Variants in PCDHGA9 observed in about 807,000 individuals in gnomAD.
The protein encoded by PCDHGA9 is protocadherin gamma subfamily A, 9, also known as protocadherin gamma-A9.
PCDHGA9 carries 37 observed loss-of-function variants against 62.5 expected under a neutral mutation model. That is an observed-to-expected ratio of 0.59 (90% CI 0.46 to 0.78). PCDHGA9 has a LOEUF of 0.78. Ranked by LOEUF, PCDHGA9 falls within the 30% of genes least tolerant of loss-of-function variation. The pLI is 0.00. For missense variants in PCDHGA9, 1,138 were observed against 1,166.2 expected (o/e 0.98, Z 0.35); for synonymous variants, 459 against 484.6 (o/e 0.95, Z 0.69).
At chr5:141,408,274 G>T (rs773254664) in intron 1 of PCDHGA9, 2 of 1,611,590 alleles carry the variant, frequency 1.2e-6, no homozygotes, top group Non-Finnish European at 1.7e-6. Flanking sequence ...TGCTGCCTTT[G>T]TTCTACCCCA....
At position 141,403,318 on chromosome 5, in the gene PCDHGA9, A is replaced by G; in HGVS notation, c.366A>G (p.Glu122=). The G allele has an allele frequency of 6.2e-7, 1 of 1,613,982 alleles. No homozygotes were observed. The highest frequency in any genetic ancestry group is 8.5e-7 in the Non-Finnish European group (1 of 1,179,912). ...DRVKLYGIEI[E]VTDINDSAPK... ...TGAAACTGTACGGAATAGAAATAGA[A>G]GTAACTGATATTAACGACAGCGCCC... The change falls in exon 1 of 4, where the codon GAA becomes GAG. Residue 122 remains glutamate, a synonymous_variant. Transcript: ENST00000573521.
At chr5:141,499,423 GA>G (rs1229901490) in intron 2 of PCDHGA9, among the ~76,000 whole-genome samples, 3 of 151,756 alleles carry the variant, frequency 2.0e-5, no homozygotes, top group Non-Finnish European at 2.9e-5. Flanking sequence ...ATGAAAAATA[GA>G]AAAAAAATTA....
In PCDHGA9 at chr5:141,476,504, G is replaced by A; in HGVS notation, c.2425-18303G>A. On this transcript the variant is annotated intron_variant, in intron 1 of 3. Coordinates refer to ENST00000573521, the MANE Select transcript of PCDHGA9 (RefSeq NM_018921.3). This position sits in a 1 kb window ranked among gnomAD's most constrained non-coding sequence, Gnocchi z 7.6. ...GGAAGTGGTGATCCAGGACATCAAC[G>A]ACAACAATCCTGCTTTCCCTACCCA... The A allele has an allele frequency of 6.2e-7, 1 of 1,614,098 alleles. No individual in the cohort carries two copies. The highest frequency in any genetic ancestry group is 2.2e-5 in the East Asian group (1 of 44,854).
At chr5:141,450,829 A>ATTTTT (rs373424450) in intron 1 of PCDHGA9, among the ~76,000 whole-genome samples, 3 of 135,122 alleles carry the variant, frequency 2.2e-5, no homozygotes, top group Admixed American at 7.6e-5. Flanking sequence ...TATTATTATT[A>ATTTTT]TTTTTTTTTT....
At chr5:141,408,428 A>C (rs1397543407) in intron 1 of PCDHGA9, 1 of 1,614,076 alleles carries the variant, frequency 6.2e-7, no homozygotes, top group South Asian at 1.1e-5. Flanking sequence ...GCTGCACTTC[A>C]GCGTAGACGC....
At chr5:141,436,211 C>T (rs12108692) in intron 1 of PCDHGA9, among the ~76,000 whole-genome samples, 2,997 of 152,100 alleles carry the variant, frequency 0.02, 43 homozygotes, top group African/African-American at 0.029. Flanking sequence ...AATAGGAAAA[C>T]AAATGACTTG....
In PCDHGA9 at chr5:141,485,713, G is replaced by A. The variant is rs769162337; in HGVS notation, c.2425-9094G>A. The stretch of plus-strand genomic sequence containing the variant: ...TGAGCTCCAATGAACACTTTGCACT[G>A]GATGTGAAGAAGCGCAGCGACGGCA... On this transcript the variant is annotated intron_variant, in intron 1 of 3. Transcript: ENST00000573521. The surrounding 1 kb of genome is among the most constrained non-coding windows in gnomAD (Gnocchi z 5.7). 2 of 1,614,084 alleles carry A rather than the reference G, an allele frequency of 1.2e-6. No homozygotes were observed. The highest frequency in any genetic ancestry group is 1.3e-5 in the African/African-American group (1 of 74,942).
In PCDHGA9 at chr5:141,490,072, G is replaced by A; in HGVS notation, c.2425-4735G>A. On this transcript the variant is annotated intron_variant, in intron 1 of 3. Transcript: ENST00000573521. This position sits in a 1 kb window ranked among gnomAD's most constrained non-coding sequence, Gnocchi z 5.4. ...AGACGAGGGCACCAACGGCCAACTA[G>A]ACTATTCTTTTGGAGACCACACATC... is the stretch of plus-strand genomic sequence containing the variant. The A allele has an allele frequency of 6.2e-7, 1 of 1,614,254 alleles. No homozygotes were observed. The highest frequency in any genetic ancestry group is 8.5e-7 in the Non-Finnish European group (1 of 1,180,042).
intron 2 of PCDHGA9, among the ~76,000 whole-genome samples, chr5:141,499,283 G>T (rs1460838051): frequency 6.6e-6 from 1 of 152,066 alleles, no homozygotes; most frequent in Non-Finnish European, 1.5e-5. Context: ...TTCTCTGATG[G>T]CTCCACACTA....
intron 1 of PCDHGA9, among the ~76,000 whole-genome samples, chr5:141,480,098 T>C (rs1415853757): frequency 6.6e-6 from 1 of 152,168 alleles, no homozygotes. Context: ...GTATGCAAAG[T>C]GTTTAGCATG....
rs2154573815 is a variant in PCDHGA9 at position 141,475,798 on chromosome 5, CAAAGG to C, written c.2425-19004_2425-19000del. ...TTGGCTGGAAACTCTGGAAGGAAGC[CAAAGG>C]AAAGTGAAGTTCCTGGCGCTAGCGC... On this transcript the variant is annotated intron_variant, in intron 1 of 3. Coordinates refer to ENST00000573521, the MANE Select transcript of PCDHGA9 (RefSeq NM_018921.3). The C allele has an allele frequency of 9.7e-6, 3 of 309,052 alleles. No homozygotes were observed. The South Asian group carries it at 2.0e-4, about 21-fold the overall frequency. 19.1% of individuals were successfully genotyped at this position (309,052 alleles called of 1,614,324 possible).
intron 1 of PCDHGA9, chr5:141,423,110 G>C: frequency 6.2e-7 from 1 of 1,613,842 alleles, no homozygotes; most frequent in Non-Finnish European, 8.5e-7. Context: ...GGCGAGGTGC[G>C]TACAGCGCGG....
In PCDHGA9 at chr5:141,491,276, A is replaced by G; in HGVS notation, c.2425-3531A>G. The G allele has an allele frequency of 6.2e-7, 1 of 1,614,104 alleles. No individual in the cohort carries two copies. On this transcript the variant is annotated intron_variant, in intron 1 of 3. Coordinates refer to ENST00000573521, the MANE Select transcript of PCDHGA9 (RefSeq NM_018921.3). The surrounding 1 kb of genome is among the most constrained non-coding windows in gnomAD (Gnocchi z 6.9). ...CCTGAGGAAATGCCCAAATCCAGTG[A>G]CTTCCTCATACACCCTCCTGAGCGT...
intron 1 of PCDHGA9, chr5:141,408,804 A>G (rs577658697): frequency 1.9e-6 from 3 of 1,613,264 alleles, no homozygotes; most frequent in African/African-American, 2.7e-5. Context: ...AAACTCCTAG[A>G]CCGGGAAGAA....
At chr5:141,445,257 A>G (rs1253126709) in intron 1 of PCDHGA9, among the ~76,000 whole-genome samples, 3 of 152,152 alleles carry the variant, frequency 2.0e-5, no homozygotes, top group African/African-American at 2.4e-5. Context: ...GTGTGAGAAT[A>G]TAAGTCGAAA....
chr5:141,430,622 A>T, intron 1 of PCDHGA9: 1 of 752,270 alleles, frequency 1.3e-6, no homozygotes, highest in Admixed American at 2.9e-5. Context: ...GATAGCTAGG[A>T]ATGAACCATC....
At chr5:141,430,873 G>C (rs2097319709) in intron 1 of PCDHGA9, 1 of 1,598,842 alleles carries the variant, frequency 6.3e-7, no homozygotes, top group African/African-American at 1.3e-5. Flanking sequence ...TTCCGGAAGA[G>C]CTGGAGAAAG....
intron 1 of PCDHGA9, chr5:141,424,569 C>A (rs1436039976): frequency 6.6e-6 from 1 of 151,996 alleles, no homozygotes; most frequent in African/African-American, 2.4e-5. Flanking sequence ...TCTCAAAAAC[C>A]TATTTTCAAA....
intron 1 of PCDHGA9, chr5:141,423,979 G>A: frequency 9.0e-7 from 1 of 1,115,484 alleles, no homozygotes. Flanking sequence ...CAGTGTATGA[G>A]GCTCTCAATT....
Sources: allele counts gnomAD v4.1 joint callset (sites outside exome capture counted in the v4.1 genomes callset), GRCh38; gene constraint gnomAD v4.1.1; non-coding constraint Gnocchi (gnomAD v3.1); transcripts MANE v1.5; gene names NCBI Gene and HGNC (gene_info 2026-07-23, HGNC 2026-07-21).